Variants in MAP2K6 observed in about 807,000 individuals in gnomAD.
The protein encoded by MAP2K6 is mitogen-activated protein kinase kinase 6.
Under a neutral mutation model 53.7 loss-of-function variants are expected in MAP2K6, and 16 were observed. That is an observed-to-expected ratio of 0.30 (90% CI 0.20 to 0.45). MAP2K6 has a LOEUF of 0.45. Among genes scored for constraint, MAP2K6 ranks in the 20% least tolerant of loss-of-function variants. The probability of loss-of-function intolerance (pLI) is 1.00; values close to 1 mark genes in which losing one functional copy is unlikely to be tolerated. For missense variants in MAP2K6, 204 were observed against 411.9 expected (o/e 0.50, Z 4.37); for synonymous variants, 132 against 143.1 (o/e 0.92, Z 0.55).
At chr17:69,472,891 G>A (rs1908028617) in intron 1 of MAP2K6, among the ~76,000 whole-genome samples, 1 of 152,108 alleles carries the variant, frequency 6.6e-6, no homozygotes, top group East Asian at 1.9e-4. Flanking sequence ...ATTTTCAGTA[G>A]AGATGGGGTT....
intron 1 of MAP2K6, among the ~76,000 whole-genome samples, chr17:69,436,985 C>T (rs979262694): frequency 1.3e-5 from 2 of 151,886 alleles, no homozygotes; most frequent in Non-Finnish European, 2.9e-5. Flanking sequence ...CCACCAGGCC[C>T]GGCTAATTTA....
At chr17:69,442,575 C>T (rs528029985) in intron 1 of MAP2K6, among the ~76,000 whole-genome samples, 1 of 152,270 alleles carries the variant, frequency 6.6e-6, no homozygotes, top group African/African-American at 2.4e-5. Flanking sequence ...TGGTTTCTTT[C>T]TTTTCATTCA....
chr17:69,506,951 CTCTTTTTTTTT>C (rs1267892170), intron 2 of MAP2K6, among the ~76,000 whole-genome samples: 9 of 147,290 alleles, frequency 6.1e-5, no homozygotes, highest in African/African-American at 9.8e-5. Flanking sequence ...TTTTCTTTTT[CTCTTTTTTTTT>C]TCTTTTTTTT....
intron 1 of MAP2K6, among the ~76,000 whole-genome samples, chr17:69,428,856 TTGTTTTTG>T (rs1906355092): frequency 9.1e-6 from 1 of 109,346 alleles, no homozygotes; most frequent in Admixed American, 8.7e-5. Context: ...TCTTCTGTTT[TTGTTTTTG>T]TTTTTTTTTT....
chr17:69,446,205 A>G (rs1906959954), intron 1 of MAP2K6, among the ~76,000 whole-genome samples: 2 of 152,230 alleles, frequency 1.3e-5, no homozygotes, highest in South Asian at 4.1e-4. Context: ...GGGTGGATCT[A>G]TCATTTGGCC....
At chr17:69,500,592 T>TA (rs1311204662) in intron 1 of MAP2K6, among the ~76,000 whole-genome samples, 1 of 150,468 alleles carries the variant, frequency 6.6e-6, no homozygotes, top group African/African-American at 2.4e-5. Flanking sequence ...CCATCTGTAC[T>TA]AAAAAATACA....
At chr17:69,510,863 T>C (rs1468183636) in intron 2 of MAP2K6, among the ~76,000 whole-genome samples, 2 of 152,126 alleles carry the variant, frequency 1.3e-5, no homozygotes, top group Non-Finnish European at 2.9e-5. Context: ...TCAATTTTGC[T>C]TGAGGTTTAT....
At chr17:69,509,770 T>C (rs1909716606) in intron 2 of MAP2K6, among the ~76,000 whole-genome samples, 1 of 152,116 alleles carries the variant, frequency 6.6e-6, no homozygotes, top group African/African-American at 2.4e-5. Flanking sequence ...TTTTTGTAGA[T>C]GTTACTTATG....
chr17:69,461,691 G>A (rs1245849654), intron 1 of MAP2K6, among the ~76,000 whole-genome samples: 2 of 152,122 alleles, frequency 1.3e-5, no homozygotes, highest in African/African-American at 4.8e-5. Context: ...GCATCCCGCA[G>A]GCACCCCTTG....
rs1907106285 is a variant in MAP2K6 at position 69,449,531 on chromosome 17, G to GTCTTTCTTTCTTTCTTTCTTTATT, written c.16+34552_16+34553insATTTCTTTCTTTCTTTCTTTCTTT. The stretch of plus-strand genomic sequence containing the variant: ...TTTCTTTCTTTGTCTTTCTTTCTTT[G>GTCTTTCTTTCTTTCTTTCTTTATT]TCTTTCTTTCTTTCTTTCTTTCTTT... On this transcript the variant is annotated intron_variant, in intron 1 of 11. Coordinates refer to ENST00000590474, the MANE Select transcript of MAP2K6 (RefSeq NM_002758.4). Among the ~76,000 whole-genome samples the GTCTTTCTTTCTTTCTTTCTTTATT allele has an allele frequency of 3.2e-4, 33 of 103,382 alleles. No homozygotes were observed. The Admixed American group carries it at 3.3e-3, about 10-fold the overall frequency. 67.8% of individuals were successfully genotyped at this position (103,382 alleles called of 152,430 possible).
At chr17:69,493,825 C>G (rs1334752350) in intron 1 of MAP2K6, among the ~76,000 whole-genome samples, 1 of 151,840 alleles carries the variant, frequency 6.6e-6, no homozygotes, top group Non-Finnish European at 1.5e-5. Context: ...AAATGTGATT[C>G]AAAACAATGA....
intron 1 of MAP2K6, among the ~76,000 whole-genome samples, chr17:69,468,478 A>G (rs1351933927): frequency 6.6e-6 from 1 of 152,268 alleles, no homozygotes; most frequent in African/African-American, 2.4e-5. Context: ...CTGAAGGCCA[A>G]TAAAGCTGTG....
At chr17:69,532,553 G>A (rs1168385093) in intron 10 of MAP2K6, among the ~76,000 whole-genome samples, 1 of 152,206 alleles carries the variant, frequency 6.6e-6, no homozygotes, top group Non-Finnish European at 1.5e-5. Flanking sequence ...GAACTCCAAA[G>A]TTGTTATTGT....
At chr17:69,435,066 C>CT (rs1906593036) in intron 1 of MAP2K6, 2 of 152,118 alleles carry the variant, frequency 1.3e-5, no homozygotes, top group African/African-American at 4.8e-5. Context: ...ATCATCCATG[C>CT]TTTTGTTTTT....
chr17:69,457,820 A>C (rs12952791), intron 1 of MAP2K6, among the ~76,000 whole-genome samples: 36,005 of 151,676 alleles, frequency 0.24, 4,398 homozygotes, highest in Middle Eastern at 0.29. Context: ...CAAAACCAAA[A>C]CAAAACAAAA....
chr17:69,521,725 C>A (rs1360410962), intron 7 of MAP2K6: 1 of 146,214 alleles, frequency 6.8e-6, no homozygotes, highest in African/African-American at 2.5e-5. Context: ...TGTAATAGAT[C>A]CCCTGAGAGG....
chr17:69,426,613 T>C (rs946702862), intron 1 of MAP2K6, among the ~76,000 whole-genome samples: 2 of 152,096 alleles, frequency 1.3e-5, no homozygotes, highest in African/African-American at 4.8e-5. Flanking sequence ...AGAGGTACTA[T>C]TGAGTGGGAA....
chr17:69,517,112 A>G (rs1910190213), intron 3 of MAP2K6, among the ~76,000 whole-genome samples: 1 of 151,800 alleles, frequency 6.6e-6, no homozygotes, highest in Admixed American at 6.6e-5. Flanking sequence ...AGGTATTTGA[A>G]TAGAGTAGAT....
chr17:69,473,396 A>G (rs908121626), intron 1 of MAP2K6, among the ~76,000 whole-genome samples: 1 of 152,328 alleles, frequency 6.6e-6, no homozygotes, highest in Middle Eastern at 3.4e-3. Context: ...TTCTATATCT[A>G]TGCAAGCATA....
Sources: gnomAD v4.1 joint callset for allele counts (sites outside exome capture counted in the v4.1 genomes callset) on GRCh38, gnomAD v4.1.1 for gene constraint, MANE v1.5 for transcripts, NCBI Gene and HGNC (gene_info 2026-07-23, HGNC 2026-07-21) for gene names.